The following SNX2 variants were observed in gnomAD, a reference collection of about 807,000 sequenced individuals.
The protein encoded by SNX2 is sorting nexin-2.
Under a neutral mutation model 69.9 loss-of-function variants are expected in SNX2, and 25 were observed. The observed-to-expected ratio is 0.36, with a 90% confidence interval of 0.26 to 0.50. SNX2 has a LOEUF of 0.50. Ranked by LOEUF, SNX2 falls within the 20% of genes least tolerant of loss-of-function variation. The pLI, the probability that SNX2 is intolerant of heterozygous loss-of-function variation, is 0.97. For synonymous variants in SNX2, 229 were observed against 200.4 expected (o/e 1.14, Z -1.20); for missense variants, 551 against 613.3 (o/e 0.90, Z 1.07).
Position 122,830,543 on chromosome 5 carries a change from C to T in SNX2, c.*895C>T, listed in dbSNP as rs1389146984. 3.3e-5 allele frequency among the ~76,000 whole-genome samples: 5 copies of T among 151,860 alleles called. No homozygotes were observed. The highest frequency in any genetic ancestry group is 3.9e-4 in the East Asian group (2 of 5,176). On this transcript the variant is annotated 3_prime_UTR_variant, in exon 15 of 15. Transcript: ENST00000379516. ...AAACTAAAAGTATATCATCTGTGCT[C>T]ACAGTTGACAAGGAATGGTACCATG...
At chr5:122,821,407 A>G (rs1754017500) in intron 11 of SNX2, among the ~76,000 whole-genome samples, 1 of 149,130 alleles carries the variant, frequency 6.7e-6, no homozygotes, top group African/African-American at 2.5e-5. Flanking sequence ...TGCTTTTTAC[A>G]CCCACTCCAC....
intron 8 of SNX2, 28 bp downstream of exon 8, chr5:122,815,999 T>C (rs754988274): frequency 2.4e-6 from 3 of 1,269,348 alleles, no homozygotes; most frequent in Non-Finnish European, 3.4e-6. Context: ...AATGTTTGTA[T>C]ATGAATGTTC....
chr5:122,794,997 TGGG>T (rs1489206348), intron 1 of SNX2, among the ~76,000 whole-genome samples: 1 of 152,112 alleles, frequency 6.6e-6, no homozygotes, highest in Non-Finnish European at 1.5e-5. Flanking sequence ...CACTCCAGCC[TGGG>T]CCATAGAGTG....
At chr5:122,786,421 T>A (rs1320948869) in intron 1 of SNX2, among the ~76,000 whole-genome samples, 1 of 152,158 alleles carries the variant, frequency 6.6e-6, no homozygotes, top group African/African-American at 2.4e-5. Context: ...TTCTCCTTTC[T>A]TGTGGATTAC....
intron 3 of SNX2, among the ~76,000 whole-genome samples, chr5:122,801,545 C>T (rs932123540): frequency 6.7e-6 from 1 of 148,782 alleles, no homozygotes; most frequent in African/African-American, 2.5e-5. Flanking sequence ...GTGGAGGTTG[C>T]AGTGAGCTGA....
At chr5:122,801,743 A>G in intron 3 of SNX2, 126 bp from the exon 4 acceptor site, 1 of 597,722 alleles carries the variant, frequency 1.7e-6, no homozygotes, top group Non-Finnish European at 2.9e-6. Flanking sequence ...TCAAAAATGA[A>G]GTGCTGGGTG....
intron 11 of SNX2, among the ~76,000 whole-genome samples, chr5:122,825,003 C>T (rs939323569): frequency 1.4e-4 from 22 of 152,050 alleles, no homozygotes; most frequent in African/African-American, 4.3e-4. Context: ...CATGGTCATA[C>T]GGTGACAAAA....
chr5:122,806,263 A>C (rs945455027), intron 6 of SNX2, among the ~76,000 whole-genome samples: 2 of 152,132 alleles, frequency 1.3e-5, no homozygotes, highest in African/African-American at 2.4e-5. Flanking sequence ...GTCAAATAGT[A>C]ATATGAAGCC....
chr5:122,782,458 C>T (rs372912823), intron 1 of SNX2, among the ~76,000 whole-genome samples: 11 of 151,480 alleles, frequency 7.3e-5, no homozygotes, highest in South Asian at 2.1e-4. Flanking sequence ...AGGTTGTTCT[C>T]GAACTCCTAA....
intron 11 of SNX2, among the ~76,000 whole-genome samples, chr5:122,824,542 G>C (rs543544136): frequency 1.1e-4 from 17 of 152,274 alleles, no homozygotes; most frequent in African/African-American, 3.9e-4. Flanking sequence ...ATATAGCAAA[G>C]TGGATTTAAA....
At chr5:122,821,408 C>T (rs760422832) in intron 11 of SNX2, among the ~76,000 whole-genome samples, 5 of 151,990 alleles carry the variant, frequency 3.3e-5, no homozygotes, top group Non-Finnish European at 1.5e-5. Flanking sequence ...GCTTTTTACA[C>T]CCACTCCACT....
intron 11 of SNX2, among the ~76,000 whole-genome samples, chr5:122,820,367 C>G (rs1252146218): frequency 1.3e-5 from 2 of 152,144 alleles, no homozygotes; most frequent in South Asian, 2.1e-4. Flanking sequence ...GAAACCCCGG[C>G]TCTACTAAAA....
intron 1 of SNX2, among the ~76,000 whole-genome samples, chr5:122,789,922 A>G (rs747257045): frequency 8.5e-5 from 13 of 152,238 alleles, no homozygotes; most frequent in Non-Finnish European, 1.5e-4. Context: ...GAGAGGCTCT[A>G]GTTGGCTTAC....
chr5:122,812,006 T>G (rs556901659), intron 7 of SNX2, among the ~76,000 whole-genome samples: 1 of 152,208 alleles, frequency 6.6e-6, no homozygotes, highest in South Asian at 2.1e-4. Flanking sequence ...CATTAGGAAA[T>G]TCTATTGCTT....
chr5:122,789,450 C>CACACAT (rs1214687112), intron 1 of SNX2, among the ~76,000 whole-genome samples: 35 of 117,058 alleles, frequency 3.0e-4, no homozygotes, highest in African/African-American at 1.3e-3. Context: ...CATACACACA[C>CACACAT]ACACACACAC....
At chr5:122,816,052 TAATTGAGTTAATAGATGG>T (rs1753895336) in intron 8 of SNX2, 81 bp downstream of exon 8, 1 of 615,356 alleles carries the variant, frequency 1.6e-6, no homozygotes, top group African/African-American at 1.9e-5. Flanking sequence ...ATATAGTAAA[TAATTGAGTTAATAGATGG>T]AATAAAGCAA....
At chr5:122,784,461 T>C (rs1753038682) in intron 1 of SNX2, among the ~76,000 whole-genome samples, 1 of 152,030 alleles carries the variant, frequency 6.6e-6, no homozygotes, top group Non-Finnish European at 1.5e-5. Context: ...ATGATAATCA[T>C]ATAGTTTTCT....
At chr5:122,775,042 C>A (rs1752821962), upstream of SNX2, 4 of 1,469,620 alleles carry the variant, frequency 2.7e-6, no homozygotes, top group Admixed American at 2.2e-5. Context: ...CGGGCCCAGC[C>A]GTGCGTGCTC....
chr5:122,819,555 A>G (rs561262566), intron 11 of SNX2, among the ~76,000 whole-genome samples: 4 of 152,336 alleles, frequency 2.6e-5, no homozygotes, highest in South Asian at 4.1e-4. Context: ...TAATACTTAT[A>G]TAATAGTCCA....
Sources: allele counts gnomAD v4.1 joint callset (sites outside exome capture counted in the v4.1 genomes callset), GRCh38; gene constraint gnomAD v4.1.1; transcripts MANE v1.5; gene names NCBI Gene and HGNC (gene_info 2026-07-23, HGNC 2026-07-21).